The following AFAP1 variants were observed in gnomAD, a reference collection of about 807,000 sequenced individuals.
AFAP1 encodes the protein actin filament-associated protein 1.
AFAP1 carries 75 observed loss-of-function variants against 93.9 expected under a neutral mutation model. That is an observed-to-expected ratio of 0.80 (90% CI 0.66 to 0.97). The LOEUF (loss-of-function observed/expected upper bound fraction) is 0.97, where lower values mean the gene tolerates loss of function less well. AFAP1 is among the 50% of genes least tolerant of loss of function. The pLI is 0.00. For synonymous variants in AFAP1, 517 were observed against 430.7 expected, an observed-to-expected ratio of 1.20 and a Z score of -2.48; for missense variants, 1,201 against 1,050.8, an observed-to-expected ratio of 1.14 and a Z score of -1.98.
At chr4:7,818,994 C>T in intron 7 of AFAP1, 82 bp downstream of exon 7, 3 of 1,283,592 alleles carry the variant, frequency 2.3e-6, no homozygotes, top group Non-Finnish European at 3.2e-6. Flanking sequence ...CTGAAATTCT[C>T]AGAGATTGTT....
chr4:7,795,395 A>G (rs1292645985), intron 10 of AFAP1, among the ~76,000 whole-genome samples: 1 of 144,502 alleles, frequency 6.9e-6, no homozygotes, highest in Non-Finnish European at 1.5e-5. Context: ...TGTCCTTCCT[A>G]AAACAAAATC....
At chr4:7,856,867 C>T (rs907712105) in intron 3 of AFAP1, among the ~76,000 whole-genome samples, 2 of 152,190 alleles carry the variant, frequency 1.3e-5, no homozygotes, top group Non-Finnish European at 2.9e-5. Flanking sequence ...GACACTTCTG[C>T]ACTTGCCACA....
At chr4:7,878,873 C>G (rs1717677674) in intron 1 of AFAP1, among the ~76,000 whole-genome samples, 1 of 152,146 alleles carries the variant, frequency 6.6e-6, no homozygotes, top group South Asian at 2.1e-4. Context: ...CACTGACTCT[C>G]TAAATTTTGC....
At chr4:7,851,419 T>A (rs899584688) in intron 4 of AFAP1, among the ~76,000 whole-genome samples, 3 of 152,152 alleles carry the variant, frequency 2.0e-5, no homozygotes, top group African/African-American at 4.8e-5. Context: ...GCCTAATGGT[T>A]TGGTTGGATG....
At chr4:7,868,482 A>C in intron 3 of AFAP1, 140 bp downstream of exon 3, 3 of 662,242 alleles carry the variant, frequency 4.5e-6, no homozygotes, top group Non-Finnish European at 4.9e-6. Flanking sequence ...TCTCAGCCCT[A>C]GAAATATACT....
At chr4:7,927,473 G>A (rs1047364402) in intron 1 of AFAP1, among the ~76,000 whole-genome samples, 45 of 152,156 alleles carry the variant, frequency 3.0e-4, no homozygotes, top group African/African-American at 1.1e-3. Context: ...AACAATGCCC[G>A]GCACATGGAG....
At chr4:7,917,604 G>C (rs892497539) in intron 1 of AFAP1, among the ~76,000 whole-genome samples, 11 of 152,174 alleles carry the variant, frequency 7.2e-5, no homozygotes, top group African/African-American at 2.2e-4. Context: ...AAAATGGAAT[G>C]AGCCTCAGAA....
At chr4:7,900,204 A>G (rs1719040513) in intron 1 of AFAP1, among the ~76,000 whole-genome samples, 1 of 152,266 alleles carries the variant, frequency 6.6e-6, no homozygotes, top group Non-Finnish European at 1.5e-5. Context: ...GCGATCCTGC[A>G]AGAAGGAACT....
chr4:7,932,868 A>T (rs149208132), intron 1 of AFAP1, among the ~76,000 whole-genome samples: 3,743 of 152,062 alleles, frequency 0.025, 145 homozygotes, highest in African/African-American at 0.084. Context: ...AAAAATACAA[A>T]AATTAGCCAG....
intron 16 of AFAP1, among the ~76,000 whole-genome samples, chr4:7,771,426 TA>T (rs1301638671): frequency 6.6e-6 from 1 of 152,098 alleles, no homozygotes; most frequent in Non-Finnish European, 1.5e-5. Flanking sequence ...ATATAATAGA[TA>T]AATGTTGAAT....
At chr4:7,830,096 G>A (rs1721758888) in intron 6 of AFAP1, among the ~76,000 whole-genome samples, 1 of 26,896 alleles carries the variant, frequency 3.7e-5, no homozygotes, top group Non-Finnish European at 6.4e-5. Flanking sequence ...AGGATACTTT[G>A]TTTAGGTGGA....
intron 16 of AFAP1, among the ~76,000 whole-genome samples, chr4:7,772,024 G>A (rs1715512954): frequency 1.3e-5 from 2 of 152,226 alleles, no homozygotes; most frequent in Non-Finnish European, 2.9e-5. Context: ...TCATGTGGAA[G>A]AGCAGCGGTG....
chr4:7,929,313 C>T (rs533321906), intron 1 of AFAP1, among the ~76,000 whole-genome samples: 1 of 152,224 alleles, frequency 6.6e-6, no homozygotes, highest in African/African-American at 2.4e-5. Flanking sequence ...CCAGGCTGCC[C>T]CCATCTGCCA....
chr4:7,811,585 G>GA (rs1720045917), intron 8 of AFAP1, among the ~76,000 whole-genome samples: 1 of 151,884 alleles, frequency 6.6e-6, no homozygotes, highest in African/African-American at 2.4e-5. Flanking sequence ...CTCCTGCCTC[G>GA]GGCCTTGCCC....
intron 6 of AFAP1, among the ~76,000 whole-genome samples, chr4:7,822,940 C>A (rs1721105466): frequency 6.6e-6 from 1 of 151,942 alleles, no homozygotes; most frequent in Admixed American, 6.5e-5. Flanking sequence ...GGCAGCACTA[C>A]TCCAATTATT....
At chr4:7,766,863 T>A (rs1048080509) in intron 17 of AFAP1, among the ~76,000 whole-genome samples, 1 of 152,062 alleles carries the variant, frequency 6.6e-6, no homozygotes, top group South Asian at 2.1e-4. Flanking sequence ...TTGGAAGCCG[T>A]CTGACTTTCC....
intron 17 of AFAP1, among the ~76,000 whole-genome samples, chr4:7,766,697 C>T (rs1282837224): frequency 1.3e-5 from 2 of 152,158 alleles, no homozygotes; most frequent in African/African-American, 4.8e-5. Context: ...TGGAGCAGCC[C>T]AGCGCCTGCC....
chr4:7,791,365 G>A (rs749442406), intron 11 of AFAP1, among the ~76,000 whole-genome samples: 5 of 152,144 alleles, frequency 3.3e-5, no homozygotes, highest in African/African-American at 1.2e-4. Flanking sequence ...TGCTGGAGCT[G>A]CAAGTTTCAG....
chr4:7,887,197 A>C (rs1718187032), intron 1 of AFAP1, among the ~76,000 whole-genome samples: 1 of 152,214 alleles, frequency 6.6e-6, no homozygotes, highest in Admixed American at 6.5e-5. Flanking sequence ...AATGATAGGA[A>C]CAGGAGAATG....
Sources: gnomAD v4.1 joint callset for allele counts (sites outside exome capture counted in the v4.1 genomes callset) on GRCh38, gnomAD v4.1.1 for gene constraint, MANE v1.5 for transcripts, NCBI Gene and HGNC (gene_info 2026-07-23, HGNC 2026-07-21) for gene names.